The following SLC2A7 variants were observed in gnomAD, a reference collection of about 807,000 sequenced individuals.
SLC2A7 encodes solute carrier family 2 member 7.
A neutral mutation model predicts 50.5 loss-of-function variants in SLC2A7; 50 were observed. That is an observed-to-expected ratio of 0.99 (90% CI 0.79 to 1.25). SLC2A7 has a LOEUF of 1.25. Ranked by LOEUF, SLC2A7 falls within the 50% of genes most tolerant of loss-of-function variation. The pLI is 0.00. For missense variants in SLC2A7, 683 were observed against 679.1 expected (o/e 1.01, Z -0.06); for synonymous variants, 308 against 300.4 (o/e 1.03, Z -0.26).
chr1:9,024,669 G>A (rs891615407), intron 2 of SLC2A7, among the ~76,000 whole-genome samples: 2 of 152,154 alleles, frequency 1.3e-5, no homozygotes, highest in African/African-American at 4.8e-5. Context: ...AATCAACAAG[G>A]GGCCTACCCA....
At position 9,003,511 on chromosome 1, in the gene SLC2A7, A is replaced by G. The variant is rs1569778254; in HGVS notation, c.1328T>C (p.Ile443Thr). 6.2e-7 allele frequency: 1 copy of G among 1,614,162 alleles called. No homozygotes were observed. The change falls in exon 12 of 12, where the codon ATC (isoleucine) becomes ACC (threonine). Residue 443 changes from isoleucine to threonine, a missense_variant. Ile to Thr is a moderately conservative substitution (Grantham distance 89, BLOSUM62 -1). Coordinates refer to ENST00000400906, the MANE Select transcript of SLC2A7 (RefSeq NM_207420.3). ...GFLFPSIQEA[I>T]GAYSFIIFAG... Reference sequence around the variant, plus strand: ...AAAGATGATGAAACTGTAGGCACCGATGGCCTCCTAGACCAGGAGACGAGA... The same window carrying G: ...AAAGATGATGAAACTGTAGGCACCGGTGGCCTCCTAGACCAGGAGACGAGA...
At chr1:9,012,925 G>T (rs1318105422) in intron 8 of SLC2A7, among the ~76,000 whole-genome samples, 2 of 152,124 alleles carry the variant, frequency 1.3e-5, no homozygotes, top group African/African-American at 4.8e-5. Flanking sequence ...TCTCACTCTT[G>T]TCACCCAGGC....
downstream of SLC2A7, among the ~76,000 whole-genome samples, chr1:9,001,719 T>C (rs373654888): frequency 1.4e-4 from 22 of 152,096 alleles, no homozygotes; most frequent in African/African-American, 4.6e-4. Context: ...CGCCCGGCAC[T>C]GCACCTTGTT....
chr1:9,018,411 C>T (rs2124259717), intron 4 of SLC2A7, 36 bp from the exon 5 acceptor site: 1 of 1,611,592 alleles, frequency 6.2e-7, no homozygotes, highest in Non-Finnish European at 8.5e-7. Flanking sequence ...GGCAGGCAAA[C>T]CGCAAACGCA....
chr1:9,025,423 A>G (rs1280970333), intron 1 of SLC2A7, among the ~76,000 whole-genome samples: 1 of 152,220 alleles, frequency 6.6e-6, no homozygotes, highest in African/African-American at 2.4e-5. Context: ...CACCCCGTCC[A>G]AGAAAGACAA....
intron 5 of SLC2A7, 98 bp downstream of exon 5, chr1:9,018,125 A>G: frequency 6.6e-7 from 1 of 1,517,518 alleles, no homozygotes; most frequent in Non-Finnish European, 9.0e-7. Context: ...TGACCCTAAA[A>G]TCATCTCTCG....
the SLC2A7 span, among the ~76,000 whole-genome samples, chr1:8,996,453 T>C: frequency 6.6e-6 from 1 of 152,226 alleles, no homozygotes; most frequent in African/African-American, 2.4e-5. Context: ...CTTCCAATTC[T>C]TTGGCTATTC....
chr1:9,010,064 G>A, intron 9 of SLC2A7, 79 bp downstream of exon 9: 1 of 1,364,414 alleles, frequency 7.3e-7, no homozygotes, highest in East Asian at 2.5e-5. Context: ...ACCACTTGGT[G>A]CAGCGGGCCC....
intron 1 of SLC2A7, 119 bp downstream of exon 1, chr1:9,026,176 A>G: frequency 8.9e-7 from 1 of 1,121,066 alleles, no homozygotes; most frequent in Non-Finnish European, 1.3e-6. Flanking sequence ...TATCCTGAAG[A>G]AAAAGGAAGC....
the SLC2A7 span, among the ~76,000 whole-genome samples, chr1:8,993,164 A>AAG: frequency 3.3e-5 from 5 of 152,218 alleles, no homozygotes; most frequent in African/African-American, 4.8e-5. Context: ...TCAGCAGGCA[A>AAG]AGAGAGAGAG....
chr1:9,024,931 C>T lies in SLC2A7; in HGVS notation c.150+45G>A, dbSNP rs768559490. ...GGCGGCTACCTTCCACCCACGACCC[C>T]GGTCAGCTGCTGCCCGGCCCACCTT... On this transcript the variant is annotated intron_variant, in intron 2 of 11. Coordinates refer to ENST00000400906, the MANE Select transcript of SLC2A7 (RefSeq NM_207420.3). 34 of 1,595,794 alleles carry T rather than the reference C, an allele frequency of 2.1e-5. No homozygotes were observed. The African/African-American group carries it at 2.2e-4, about 10-fold the overall frequency.
intron 8 of SLC2A7, among the ~76,000 whole-genome samples, chr1:9,011,640 C>G (rs1323388246): frequency 1.3e-5 from 2 of 152,072 alleles, no homozygotes; most frequent in South Asian, 4.1e-4. Flanking sequence ...ATGGACTGAC[C>G]CCTCCACTCA....
At chr1:9,010,376 T>A (rs1640728963) in intron 8 of SLC2A7, 132 bp from the exon 9 acceptor site, 2 of 715,334 alleles carry the variant, frequency 2.8e-6, no homozygotes, top group Admixed American at 2.8e-5. Context: ...TCTTTTTTTT[T>A]AAACGGAGTT....
At chr1:9,015,041 GA>G in intron 6 of SLC2A7, 75 bp downstream of exon 6, 6 of 1,588,084 alleles carry the variant, frequency 3.8e-6, no homozygotes, top group Non-Finnish European at 5.1e-6. Flanking sequence ...TGGCGACCCT[GA>G]CTGTGGCCCT....
chr1:9,011,607 T>C (rs1640750878), intron 8 of SLC2A7, among the ~76,000 whole-genome samples: 1 of 152,000 alleles, frequency 6.6e-6, no homozygotes, highest in South Asian at 2.1e-4. Context: ...GCGGGGCCCC[T>C]CATCTCTCCA....
At chr1:9,002,082 AT>A (rs1640582827), downstream of SLC2A7, among the ~76,000 whole-genome samples, 1 of 73,508 alleles carries the variant, frequency 1.4e-5, no homozygotes, top group Non-Finnish European at 3.1e-5. Flanking sequence ...GCCATTCTCC[AT>A]TGTCGAGTAC....
chr1:8,998,896 T>C (rs1640541171), downstream of SLC2A7, among the ~76,000 whole-genome samples: 1 of 152,216 alleles, frequency 6.6e-6, no homozygotes, highest in Non-Finnish European at 1.5e-5. Flanking sequence ...TATTGGGTTG[T>C]AGTTTTCTTG....
At chr1:9,013,381 A>G (rs750089947) in intron 8 of SLC2A7, 144 bp downstream of exon 8, 3 of 601,238 alleles carry the variant, frequency 5.0e-6, no homozygotes, top group Middle Eastern at 4.5e-4. Context: ...GGTAGTTAGT[A>G]TGTGTGCATC....
rs377122526 is a variant in SLC2A7, at chr1:9,003,290, T to G, written c.*10A>C. On this transcript the variant is annotated 3_prime_UTR_variant, in exon 12 of 12. Coordinates refer to ENST00000400906, the MANE Select transcript of SLC2A7 (RefSeq NM_207420.3). ...CTTGAATATGGGCTCCCGTCCTTCA[T>G]GCAGGGCCACTAAAAGGAAGTTTCC... 1 of 1,613,944 alleles carries G rather than the reference T, an allele frequency of 6.2e-7. No homozygotes were observed. Among genetic ancestry groups the G allele is most frequent in the Middle Eastern group, 1.7e-4 (1 of 6,056 alleles).
Sources: allele counts gnomAD v4.1 joint callset (sites outside exome capture counted in the v4.1 genomes callset), GRCh38; gene constraint gnomAD v4.1.1; transcripts MANE v1.5; gene names NCBI Gene and HGNC (gene_info 2026-07-23, HGNC 2026-07-21).